CSMD1: variants seen among roughly 807,000 people sequenced by gnomAD.
CSMD1 encodes CUB and sushi domain-containing protein 1.
A neutral mutation model predicts 417.5 loss-of-function variants in CSMD1; 213 were observed. The ratio of observed to expected loss-of-function variants is 0.51; its 90% CI spans 0.46 to 0.57. The LOEUF (loss-of-function observed/expected upper bound fraction) is 0.57, where lower values mean the gene tolerates loss of function less well. CSMD1 is among the 20% of genes least tolerant of loss of function. The pLI, the probability that CSMD1 is intolerant of heterozygous loss-of-function variation, is 0.00. For missense variants in CSMD1, 6,923 were observed against 4,529.7 expected (o/e 1.53, Z -15.17); for synonymous variants, 2,862 against 1,736.8 (o/e 1.65, Z -16.11).
intron 3 of CSMD1, among the ~76,000 whole-genome samples, chr8:4,039,525 G>C (rs927722091): frequency 2.6e-5 from 4 of 152,110 alleles, no homozygotes; most frequent in African/African-American, 4.8e-5. Flanking sequence ...TGCTGACAAA[G>C]CATTTATGAC....
chr8:3,923,797 C>G (rs966843834), intron 5 of CSMD1, among the ~76,000 whole-genome samples: 1 of 152,124 alleles, frequency 6.6e-6, no homozygotes, highest in African/African-American at 2.4e-5. Context: ...TCATAGTTAC[C>G]ACTGTTCTAC....
At chr8:3,459,911 G>C (rs1816393432) in intron 12 of CSMD1, among the ~76,000 whole-genome samples, 1 of 152,092 alleles carries the variant, frequency 6.6e-6, no homozygotes, top group African/African-American at 2.4e-5. Context: ...ATTGATAAGG[G>C]TTAAATGGCC....
chr8:3,546,976 G>C (rs941260214), intron 10 of CSMD1, among the ~76,000 whole-genome samples: 5 of 152,190 alleles, frequency 3.3e-5, no homozygotes, highest in African/African-American at 4.8e-5. Context: ...TGGAAGAAGG[G>C]AAGAGCAAAA....
At chr8:3,995,378 C>G (rs548941188) in intron 5 of CSMD1, among the ~76,000 whole-genome samples, 1 of 145,502 alleles carries the variant, frequency 6.9e-6, no homozygotes, top group Admixed American at 7.0e-5. Context: ...TACACATACA[C>G]ACAAAACACT....
intron 10 of CSMD1, among the ~76,000 whole-genome samples, chr8:3,558,120 T>C (rs1428603202): frequency 1.7e-4 from 25 of 149,202 alleles, no homozygotes; most frequent in Non-Finnish European, 2.2e-4. Flanking sequence ...GGTGCCTCAA[T>C]GGTACCCCGT....
intron 26 of CSMD1, among the ~76,000 whole-genome samples, chr8:3,235,695 T>A (rs1187913860): frequency 1.3e-5 from 2 of 152,212 alleles, no homozygotes; most frequent in Non-Finnish European, 2.9e-5. Flanking sequence ...AACAGTGCCT[T>A]GCACTAGTGG....
intron 50 of CSMD1, among the ~76,000 whole-genome samples, chr8:3,048,216 A>T (rs182918457): frequency 1.3e-5 from 2 of 152,332 alleles, no homozygotes; most frequent in East Asian, 3.9e-4. Context: ...AATATTCGCG[A>T]CCAACAAGAC....
intron 3 of CSMD1, among the ~76,000 whole-genome samples, chr8:4,186,335 T>A (rs1426674594): frequency 1.3e-5 from 2 of 152,134 alleles, no homozygotes; most frequent in Non-Finnish European, 2.9e-5. Context: ...GGACTCCTCA[T>A]GGCCCAGCCC....
At chr8:3,296,783 A>C (rs544942836) in intron 25 of CSMD1, among the ~76,000 whole-genome samples, 14 of 152,266 alleles carry the variant, frequency 9.2e-5, no homozygotes, top group African/African-American at 3.1e-4. Context: ...TGGAGTTGTC[A>C]TCCAGTGAAC....
intron 3 of CSMD1, among the ~76,000 whole-genome samples, chr8:4,039,654 A>C (rs1370567847): frequency 6.6e-6 from 1 of 152,212 alleles, no homozygotes; most frequent in Non-Finnish European, 1.5e-5. Flanking sequence ...GGACGTAATC[A>C]GAACTGGCTG....
chr8:4,033,518 G>A (rs879528924), intron 3 of CSMD1, among the ~76,000 whole-genome samples: 9 of 152,100 alleles, frequency 5.9e-5, no homozygotes, highest in African/African-American at 1.9e-4. Context: ...CAGTTGTCCC[G>A]CCTTTCCAGA....
rs560404246 is a variant in CSMD1 at position 3,524,230 on chromosome 8, T to C, written c.1345-30504A>G. On this transcript the variant is annotated intron_variant, in intron 10 of 69. Coordinates refer to ENST00000635120, the MANE Select transcript of CSMD1 (RefSeq NM_033225.6). ...GCAACCCAGACAATATGCACACACA[T>C]ACACACATACACACCCAGAGACATA... Among the ~76,000 whole-genome samples the C allele has an allele frequency of 8.2e-4, 96 of 117,384 alleles. No individual in the cohort carries two copies. In the South Asian group the frequency reaches 0.024, roughly 30 times the overall value. 77.0% of individuals were successfully genotyped at this position (117,384 alleles called of 152,430 possible).
chr8:4,095,185 G>A (rs1800940087), intron 3 of CSMD1, among the ~76,000 whole-genome samples: 1 of 152,156 alleles, frequency 6.6e-6, no homozygotes, highest in African/African-American at 2.4e-5. Context: ...TAGCCACAGC[G>A]AACACAAACT....
intron 3 of CSMD1, among the ~76,000 whole-genome samples, chr8:4,297,808 T>C (rs766285671): frequency 4.6e-5 from 7 of 152,184 alleles, no homozygotes; most frequent in Non-Finnish European, 1.0e-4. Context: ...CAGTGAATTA[T>C]ATAATTAAAT....
chr8:3,791,102 G>T (rs1799713733), intron 5 of CSMD1, among the ~76,000 whole-genome samples: 1 of 152,176 alleles, frequency 6.6e-6, no homozygotes, highest in African/African-American at 2.4e-5. Context: ...CAGTGTGATG[G>T]AACACTTTAT....
At chr8:4,182,305 G>C (rs1483131349) in intron 3 of CSMD1, among the ~76,000 whole-genome samples, 1 of 152,012 alleles carries the variant, frequency 6.6e-6, no homozygotes, top group African/African-American at 2.4e-5. Flanking sequence ...TTCTAAGCTT[G>C]CCCTTGGTTT....
chr8:4,416,545 C>T (rs995874705), intron 3 of CSMD1, among the ~76,000 whole-genome samples: 6 of 151,926 alleles, frequency 3.9e-5, no homozygotes, highest in Admixed American at 2.6e-4. Flanking sequence ...AATAGATGCA[C>T]GCATTTCCAA....
chr8:3,487,453 G>A lies in CSMD1; in HGVS notation c.1448+6170C>T, dbSNP rs544424786. On this transcript the variant is annotated intron_variant, in intron 11 of 69. Transcript: ENST00000635120. ...CCTGACCTCGTGATCTGCCCGCCTC[G>A]GCCTCCCCAAGTGTTGGGATTACAG... Among the ~76,000 whole-genome samples, 25 of 152,152 alleles carry A rather than the reference G, an allele frequency of 1.6e-4. 1 individual carries two copies. In the South Asian group the frequency reaches 3.7e-3, roughly 23 times the overall value.
chr8:4,515,777 A>G (rs992101686), intron 2 of CSMD1, among the ~76,000 whole-genome samples: 3 of 152,176 alleles, frequency 2.0e-5, no homozygotes, highest in African/African-American at 7.2e-5. Flanking sequence ...TGTTTTATAA[A>G]TGAGCCAAAG....
Sources: allele counts gnomAD v4.1 joint callset (sites outside exome capture counted in the v4.1 genomes callset), GRCh38; gene constraint gnomAD v4.1.1; transcripts MANE v1.5; gene names NCBI Gene and HGNC (gene_info 2026-07-23, HGNC 2026-07-21).